The following GLI2 variants were observed in gnomAD, a reference collection of about 807,000 sequenced individuals.
The protein encoded by GLI2 is GLI family zinc finger 2, also known as transcription activator GLI2.
A neutral mutation model predicts 78.9 loss-of-function variants in GLI2; 22 were observed. The ratio of observed to expected loss-of-function variants is 0.28; its 90% confidence interval spans 0.20 to 0.40. The LOEUF is 0.40. GLI2 is among the 10% of genes least tolerant of loss of function. The probability of loss-of-function intolerance (pLI) is 1.00; values close to 1 mark genes in which losing one functional copy is unlikely to be tolerated. For synonymous variants in GLI2, 974 were observed against 963.7 expected (o/e 1.01, Z -0.20); for missense variants, 2,097 against 2,213.2 (o/e 0.95, Z 1.05).
chr2:120,933,056 G>A (rs1680019970), intron 3 of GLI2, among the ~76,000 whole-genome samples: 1 of 152,162 alleles, frequency 6.6e-6, no homozygotes, highest in Admixed American at 6.5e-5. Context: ...CGGGAACTGT[G>A]GTGAGAGGAC....
chr2:120,913,850 C>T, intron 2 of GLI2, among the ~76,000 whole-genome samples: 1 of 152,228 alleles, frequency 6.6e-6, no homozygotes, highest in Non-Finnish European at 1.5e-5. Context: ...TGCCTTGGCT[C>T]AGCCTGGGAA....
intron 2 of GLI2, among the ~76,000 whole-genome samples, chr2:120,830,329 C>A (rs1686296380): frequency 6.6e-6 from 1 of 152,224 alleles, no homozygotes; most frequent in South Asian, 2.1e-4. Context: ...TGCCCTAGCC[C>A]TGTGGGCATA....
chr2:120,932,071 G>A (rs1679970095), intron 3 of GLI2, among the ~76,000 whole-genome samples: 1 of 152,178 alleles, frequency 6.6e-6, no homozygotes, highest in Admixed American at 6.5e-5. Context: ...GAGAACCAGG[G>A]CAAAGCTTGT....
rs537782979 is a variant in GLI2 at position 120,794,856 on chromosome 2, C to T, written c.-30-2435C>T. On this transcript the variant is annotated intron_variant, in intron 1 of 13. Coordinates refer to ENST00000361492, the MANE Select transcript of GLI2 (RefSeq NM_001374353.1). ...CTAGGCCAAAAGGAGGCCCCTGACT[C>T]ACCAGCAAGCAGATTTTTCTCTCCC... 5.9e-5 allele frequency among the ~76,000 whole-genome samples: 9 copies of T among 152,250 alleles called. No individual in the cohort carries two copies. In the South Asian group the frequency reaches 1.2e-3, roughly 21 times the overall value.
At chr2:120,833,357 G>A (rs968117452) in intron 2 of GLI2, among the ~76,000 whole-genome samples, 6 of 152,098 alleles carry the variant, frequency 3.9e-5, no homozygotes, top group Admixed American at 3.9e-4. Flanking sequence ...CCCTCCCTGA[G>A]CTAGGTGAGG....
chr2:120,967,630 C>T (rs910056251), intron 5 of GLI2, among the ~76,000 whole-genome samples: 1 of 152,234 alleles, frequency 6.6e-6, no homozygotes, highest in African/African-American at 2.4e-5. Flanking sequence ...GAGGGCATAG[C>T]CATGTGTCCA....
intron 2 of GLI2, among the ~76,000 whole-genome samples, chr2:120,798,953 A>T (rs1189688995): frequency 6.6e-6 from 1 of 152,064 alleles, no homozygotes; most frequent in Non-Finnish European, 1.5e-5. Flanking sequence ...TTCAGCGGGA[A>T]CCATCCCCCC....
At chr2:120,849,440 AGTG>A (rs1687296418) in intron 2 of GLI2, among the ~76,000 whole-genome samples, 1 of 152,100 alleles carries the variant, frequency 6.6e-6, no homozygotes, top group Non-Finnish European at 1.5e-5. Context: ...TTATGCCAAT[AGTG>A]ATGATGATGA....
At chr2:120,797,199 C>T (rs1311819732) in intron 1 of GLI2, 92 bp from the exon 2 acceptor site, 6 of 923,142 alleles carry the variant, frequency 6.5e-6, no homozygotes, top group Non-Finnish European at 1.1e-5. Context: ...AAGTTGGTTG[C>T]TTTAGGAGCG....
At position 120,988,460 on chromosome 2, in the gene GLI2, C is replaced by T. The variant is rs1683092896; in HGVS notation, c.2495C>T (p.Ala832Val). 1.9e-6 allele frequency: 3 copies of T among 1,566,184 alleles called. No individual in the cohort carries two copies. Among genetic ancestry groups the T allele is most frequent in the Non-Finnish European group, 2.6e-6 (3 of 1,165,776 alleles). Residue 832 changes from alanine to valine, a missense_variant, in exon 14 of 14, where the codon GCG (alanine) becomes GTG (valine). Ala to Val is a moderately conservative substitution (Grantham distance 64). Transcript: ENST00000361492. ...SPLGAGRPHN[A>V]SSADSYDPIS... ...CTGGGCGCCGGCCGCCCGCACAACG[C>T]GAGCTCCGCTGACTCCTACGACCCC...
chr2:120,781,013 G>A lies in GLI2; in HGVS notation c.-30-16278G>A, dbSNP rs538702004. 2.6e-5 allele frequency among the ~76,000 whole-genome samples: 4 copies of A among 152,284 alleles called. No individual in the cohort carries two copies. In the South Asian group the frequency reaches 8.3e-4, roughly 32 times the overall value. On this transcript the variant is annotated intron_variant, in intron 1 of 13. Transcript: ENST00000361492. Reference sequence around the variant, plus strand: ...AGCATCCGAGCCCTGAGGCTTCATCGTGTCAGCTCCCATATCTCTTCCACT... The same window carrying A: ...AGCATCCGAGCCCTGAGGCTTCATCATGTCAGCTCCCATATCTCTTCCACT...
At chr2:120,864,146 G>T in intron 2 of GLI2, among the ~76,000 whole-genome samples, 1 of 152,194 alleles carries the variant, frequency 6.6e-6, no homozygotes, top group Non-Finnish European at 1.5e-5. Context: ...CCCGTGTGGG[G>T]ACACTGGTAG....
chr2:120,879,133 G>A (rs772574237), intron 2 of GLI2, among the ~76,000 whole-genome samples: 19 of 152,154 alleles, frequency 1.2e-4, no homozygotes, highest in Non-Finnish European at 2.1e-4. Flanking sequence ...TCTCGGTTGC[G>A]GATCAGTTTC....
In GLI2 at chr2:120,989,536, CG is replaced by C; in HGVS notation, c.3572del (p.Arg1191ProfsTer12). On this transcript the variant is annotated frameshift_variant, in exon 14 of 14. Transcript: ENST00000361492. LOFTEE classifies it low-confidence loss of function (END_TRUNC). ...LDSTQPHLQPRSGAPSQGIPR... is the reference protein window; with the variant it reads ...LDSTQPHLQPXSGAPSQGIPR... ...CAGCACGCAGCCACACCTGCAGCCC[CG>C]CAGCGGAGCCCCCTCCCAGGGCATC... is the stretch of plus-strand genomic sequence containing the variant. 1 of 1,612,424 alleles carries C rather than the reference CG, an allele frequency of 6.2e-7. No individual in the cohort carries two copies. The highest frequency in any genetic ancestry group is 1.1e-5 in the South Asian group (1 of 91,010).
At chr2:120,931,906 C>T (rs887932178) in intron 3 of GLI2, among the ~76,000 whole-genome samples, 17 of 152,144 alleles carry the variant, frequency 1.1e-4, no homozygotes, top group African/African-American at 2.9e-4. Flanking sequence ...CGTCCCTACG[C>T]GGTCCTGCTG....
In GLI2 at chr2:120,811,864, C is replaced by T. The variant is rs562033425; in HGVS notation, c.148+14396C>T. ...TCCCTCCCTCCTTCCCTCCCTCTTT[C>T]CTTCTCTTCCTTTTTTCCACAAGTG... On this transcript the variant is annotated intron_variant, in intron 2 of 13. Transcript: ENST00000361492. 4.6e-5 allele frequency among the ~76,000 whole-genome samples: 7 copies of T among 152,222 alleles called. No individual in the cohort carries two copies. The South Asian group carries it at 1.2e-3, about 27-fold the overall frequency.
intron 2 of GLI2, among the ~76,000 whole-genome samples, chr2:120,798,965 T>G (rs556115505): frequency 6.6e-6 from 1 of 152,188 alleles, no homozygotes; most frequent in East Asian, 1.9e-4. Flanking sequence ...CATCCCCCCA[T>G]CCCTCCGCCC....
At chr2:120,899,080 C>T (rs542487138) in intron 2 of GLI2, among the ~76,000 whole-genome samples, 1 of 152,156 alleles carries the variant, frequency 6.6e-6, no homozygotes. Flanking sequence ...ACACTGGGTC[C>T]TTCACTGGAA....
chr2:120,774,041 A>T (rs1683606354), intron 1 of GLI2, among the ~76,000 whole-genome samples: 1 of 149,022 alleles, frequency 6.7e-6, no homozygotes, highest in Admixed American at 6.8e-5. Context: ...CCCTTCACTT[A>T]CAAGCAGCCC....
Sources: gnomAD v4.1 joint callset for allele counts (sites outside exome capture counted in the v4.1 genomes callset) on GRCh38, gnomAD v4.1.1 for gene constraint, MANE v1.5 for transcripts, NCBI Gene and HGNC (gene_info 2026-07-23, HGNC 2026-07-21) for gene names.